Variants in ARFGEF1 observed in about 807,000 individuals in gnomAD.
ARFGEF1 encodes brefeldin A-inhibited guanine nucleotide-exchange protein 1.
A neutral mutation model predicts 231.0 loss-of-function variants in ARFGEF1; 42 were observed. The ratio of observed to expected loss-of-function variants is 0.18; its 90% CI spans 0.14 to 0.24. The LOEUF (loss-of-function observed/expected upper bound fraction) is 0.24. Among genes scored for constraint, ARFGEF1 ranks in the 10% least tolerant of loss-of-function variants. The pLI, the probability that ARFGEF1 is intolerant of heterozygous loss-of-function variation, is 1.00. For missense variants in ARFGEF1, 1,345 were observed against 2,192.0 expected (o/e 0.61, Z 7.72); for synonymous variants, 710 against 732.3 (o/e 0.97, Z 0.49).
chr8:67,275,533 G>A (rs1345254466), intron 9 of ARFGEF1, among the ~76,000 whole-genome samples: 1 of 151,874 alleles, frequency 6.6e-6, no homozygotes, highest in Non-Finnish European at 1.5e-5. Context: ...AGTACCTTTT[G>A]ACTGGCAGTT....
intron 14 of ARFGEF1, among the ~76,000 whole-genome samples, chr8:67,261,113 T>C (rs914635532): frequency 6.6e-6 from 1 of 152,182 alleles, no homozygotes; most frequent in Non-Finnish European, 1.5e-5. Flanking sequence ...AAGTGCAAGG[T>C]CTGATGGCAA....
intron 22 of ARFGEF1, among the ~76,000 whole-genome samples, chr8:67,236,133 AAAAC>A (rs146783955): frequency 0.025 from 3,762 of 150,346 alleles, 153 homozygotes; most frequent in African/African-American, 0.082. Context: ...TGTCTCTACT[AAAAC>A]AAACAAACAA....
At chr8:67,335,408 T>C (rs1808299482) in intron 1 of ARFGEF1, among the ~76,000 whole-genome samples, 1 of 152,104 alleles carries the variant, frequency 6.6e-6, no homozygotes, top group African/African-American at 2.4e-5. Context: ...CCGGGCCCCG[T>C]ATCACAGTAA....
intron 6 of ARFGEF1, among the ~76,000 whole-genome samples, chr8:67,288,950 CAAAAAAAACAA>C (rs1805878210): frequency 6.9e-6 from 1 of 144,938 alleles, no homozygotes; most frequent in Non-Finnish European, 1.5e-5. Context: ...ATGTAAAAAA[CAAAAAAAACAA>C]AAAAAAAACA....
intron 3 of ARFGEF1, among the ~76,000 whole-genome samples, chr8:67,300,387 T>C (rs1240994225): frequency 2.0e-5 from 3 of 152,190 alleles, no homozygotes; most frequent in Non-Finnish European, 4.4e-5. Flanking sequence ...ATAATATCTA[T>C]GAAGATCCTC....
At chr8:67,203,398 A>G (rs1233305789) in intron 35 of ARFGEF1, 147 bp from the exon 36 acceptor site, 2 of 868,260 alleles carry the variant, frequency 2.3e-6, no homozygotes, top group Non-Finnish European at 3.6e-6. Flanking sequence ...GGGAAGGTCC[A>G]CCTTCCAGTA....
intron 34 of ARFGEF1, among the ~76,000 whole-genome samples, chr8:67,209,443 A>G (rs764926096): frequency 6.6e-6 from 1 of 152,346 alleles, no homozygotes; most frequent in East Asian, 1.9e-4. Context: ...AAGTGGCTGT[A>G]TAACAGTTAT....
intron 14 of ARFGEF1, among the ~76,000 whole-genome samples, chr8:67,264,204 A>T (rs1804755132): frequency 6.6e-6 from 1 of 152,190 alleles, no homozygotes; most frequent in African/African-American, 2.4e-5. Context: ...GAACAAAACC[A>T]AAGAAAAAGG....
In ARFGEF1 at chr8:67,273,686, C is replaced by T. The variant is rs572969467; in HGVS notation, c.1338-1750G>A. On this transcript the variant is annotated intron_variant, in intron 9 of 38. Transcript: ENST00000262215. ...TTACACAGTCATGTTTCTAAGATGG[C>T]CATTGTGCTGAGTCTTCCTTTGAAT... Among the ~76,000 whole-genome samples, 6 of 152,116 alleles carry T rather than the reference C, an allele frequency of 3.9e-5. No individual in the cohort carries two copies. The South Asian group carries it at 1.0e-3, about 26-fold the overall frequency.
At chr8:67,310,570 G>T (rs1806960747) in intron 1 of ARFGEF1, among the ~76,000 whole-genome samples, 1 of 152,102 alleles carries the variant, frequency 6.6e-6, no homozygotes, top group Admixed American at 6.5e-5. Flanking sequence ...CGTCTGGGAT[G>T]TGAGGAGCCC....
rs770727224 is a variant in ARFGEF1, at chr8:67,179,919, T to C, written c.561-4347A>G. 9 of 1,545,256 alleles carry C rather than the reference T, an allele frequency of 5.8e-6. No individual in the cohort carries two copies. The Admixed American group carries it at 1.2e-4, about 20-fold the overall frequency. ...ACTCATTATTGGAATCTGATAGTGC[T>C]TTTATTGGTGAGTATATTTATTTTA... On this transcript the variant is annotated intron_variant, in intron 5 of 5. Coordinates refer to the ARFGEF1 transcript ENST00000518789.
At chr8:67,318,488 A>G (rs1484345757) in intron 1 of ARFGEF1, among the ~76,000 whole-genome samples, 1 of 152,180 alleles carries the variant, frequency 6.6e-6, no homozygotes, top group Non-Finnish European at 1.5e-5. Flanking sequence ...AAATAAAGGT[A>G]TATAGGTTAG....
chr8:67,246,241 T>C (rs1433404301), intron 19 of ARFGEF1, among the ~76,000 whole-genome samples: 5 of 150,548 alleles, frequency 3.3e-5, no homozygotes, highest in Non-Finnish European at 7.4e-5. Flanking sequence ...TCAGATTTAA[T>C]CTGCACTACA....
At chr8:67,211,397 C>A in intron 34 of ARFGEF1, 86 bp downstream of exon 34, 3 of 790,196 alleles carry the variant, frequency 3.8e-6, no homozygotes, top group East Asian at 3.4e-5. Flanking sequence ...ATAGTATATG[C>A]TTGTTAATAA....
rs1437573073 is a variant in ARFGEF1, at chr8:67,238,433, G to A, written c.3199C>T (p.Arg1067Ter). 1 of 1,613,878 alleles carries A rather than the reference G, an allele frequency of 6.2e-7. No homozygotes were observed. The highest frequency in any genetic ancestry group is 1.7e-5 in the Admixed American group (1 of 60,000). Residue 1067 changes from arginine (R) to a stop codon, truncating the protein, a stop_gained, in exon 22 of 39, where the codon CGA (arginine) becomes TGA (stop). Transcript: ENST00000262215. LOFTEE classifies it high-confidence loss of function. Reference protein sequence around the residue: ...AQLIGTGVKPRYISGTVRGRE... With the variant: ...AQLIGTGVKP ...CCTCGCACTGTTCCAGAAATGTATC[G>A]AGGTTTCACTCCAGTTCCTATAAGC...
intron 1 of ARFGEF1, among the ~76,000 whole-genome samples, chr8:67,315,672 T>C (rs1807278193): frequency 6.6e-6 from 1 of 152,068 alleles, no homozygotes; most frequent in African/African-American, 2.4e-5. Context: ...ATAGGAATCA[T>C]GGAGAAAAAC....
intron 34 of ARFGEF1, among the ~76,000 whole-genome samples, chr8:67,205,776 G>A (rs1269919113): frequency 1.3e-5 from 2 of 151,740 alleles, no homozygotes; most frequent in African/African-American, 4.8e-5. Context: ...GAGAATTGCT[G>A]GAACCCAGGA....
chr8:67,304,868 T>C (rs1806666376), intron 1 of ARFGEF1, among the ~76,000 whole-genome samples: 1 of 152,200 alleles, frequency 6.6e-6, no homozygotes, highest in African/African-American at 2.4e-5. Context: ...AAATGCTGTG[T>C]TGACTGACCT....
Position 67,238,372 on chromosome 8 carries a change from G to A in ARFGEF1, c.3260C>T (p.Ala1087Val), listed in dbSNP as rs1352936766. The stretch of plus-strand genomic sequence containing the variant: ...CCCTAAACCCACAAATTCATCAGGA[G>A]CCTGATCTTTTGTTCCAGTAAGAGA... ...EGSLTGTKDQ[A>V]PDEFVGLGLV... Residue 1087 changes from alanine (A) to valine (V), a missense_variant, in exon 22 of 39, where the codon GCT becomes GTT. Around this residue, in one of 14 missense-constraint regions of ARFGEF1, gnomAD observed 146 missense variants for 321.4 expected, o/e 0.45. Coordinates refer to ENST00000262215, the MANE Select transcript of ARFGEF1 (RefSeq NM_006421.5). 6.2e-7 allele frequency: 1 copy of A among 1,610,710 alleles called. No individual in the cohort carries two copies. The highest frequency in any genetic ancestry group is 8.5e-7 in the Non-Finnish European group (1 of 1,179,156).
Sources: allele counts gnomAD v4.1 joint callset (sites outside exome capture counted in the v4.1 genomes callset), GRCh38; gene constraint gnomAD v4.1.1; regional missense constraint gnomAD v4.1.1; transcripts MANE v1.5; gene names NCBI Gene and HGNC (gene_info 2026-07-23, HGNC 2026-07-21).